The following ZBTB7C variants were observed in gnomAD, a reference collection of about 807,000 sequenced individuals.
ZBTB7C encodes zinc finger and BTB domain containing 7C.
Under a neutral mutation model 25.7 loss-of-function variants are expected in ZBTB7C, and 8 were observed. That is an observed-to-expected ratio of 0.31 (90% CI 0.18 to 0.56). The LOEUF (loss-of-function observed/expected upper bound fraction) is 0.56. ZBTB7C is among the 20% of genes least tolerant of loss of function. The pLI is 0.91. For missense variants in ZBTB7C, 824 were observed against 855.2 expected (o/e 0.96, Z 0.46); for synonymous variants, 394 against 369.0 (o/e 1.07, Z -0.78).
At position 48,347,523 on chromosome 18, in the gene ZBTB7C, C is replaced by T. The variant is rs187141649; in HGVS notation, c.-303-9125G>A. Among the ~76,000 whole-genome samples the T allele has an allele frequency of 6.6e-5, 10 of 152,116 alleles. 1 individual carries two copies. Among genetic ancestry groups the T allele is most frequent in the Admixed American group, 2.0e-4 (3 of 15,300 alleles). ...AGCAACACGTGTGCACCCACTCCCT[C>T]CTCTCCCCGTCAAGCAGCATGAATC... On this transcript the variant is annotated intron_variant, in intron 1 of 4. Transcript: ENST00000590800.
rs144374638 is a variant in ZBTB7C, at chr18:48,040,673, G to A, written c.435C>T (p.Asp145=). The A allele has an allele frequency of 2.7e-5, 43 of 1,612,944 alleles. No homozygotes were observed. In the African/African-American group the frequency reaches 3.4e-4, roughly 13 times the overall value. Reference sequence around the variant, plus strand: ...CGTCCTCCTCATCATCATCATCTTCGTCGTCGTCATCGTCCTCCTTGTCAT... The same window carrying A: ...CGTCCTCCTCATCATCATCATCTTCATCGTCGTCATCGTCCTCCTTGTCAT... ...EEDDKEDDDD[D]EDDDDEEDEE... is the part of the protein sequence containing the mutation. Residue 145 remains aspartate, a synonymous_variant, in exon 4 of 5, where the codon GAC becomes GAT. Coordinates refer to ENST00000590800, the MANE Select transcript of ZBTB7C (RefSeq NM_001318841.2).
intron 3 of ZBTB7C, among the ~76,000 whole-genome samples, chr18:48,168,340 G>C (rs778813997): frequency 6.6e-6 from 1 of 152,220 alleles, no homozygotes; most frequent in Non-Finnish European, 1.5e-5. Flanking sequence ...ATATGTGGTT[G>C]ATGTGCAGGT....
chr18:48,162,293 G>GGAGGCAGGGACTCCACCTCA, intron 3 of ZBTB7C: 1 of 448,610 alleles, frequency 2.2e-6, no homozygotes, highest in Non-Finnish European at 4.5e-6. Flanking sequence ...CAGCAACAGT[G>GGAGGCAGGGACTCCACCTCA]GAGGCAGGGA....
chr18:48,281,438 A>C (rs2044846013), intron 2 of ZBTB7C, among the ~76,000 whole-genome samples: 1 of 152,206 alleles, frequency 6.6e-6, no homozygotes. Flanking sequence ...AGCAATGGCA[A>C]CAAAAGCCAA....
chr18:48,213,669 G>T (rs935671029), intron 2 of ZBTB7C, among the ~76,000 whole-genome samples: 2 of 152,224 alleles, frequency 1.3e-5, no homozygotes, highest in African/African-American at 4.8e-5. Context: ...GGCACAGACA[G>T]CATGTGCTTT....
intron 3 of ZBTB7C, among the ~76,000 whole-genome samples, chr18:48,073,891 C>G (rs1349883932): frequency 6.6e-6 from 1 of 152,234 alleles, no homozygotes; most frequent in Non-Finnish European, 1.5e-5. Flanking sequence ...GATTTGTCTC[C>G]TGTAGACCCC....
intron 3 of ZBTB7C, among the ~76,000 whole-genome samples, chr18:48,131,654 T>TAAG (rs1301018516): frequency 8.2e-4 from 125 of 152,302 alleles, no homozygotes; most frequent in African/African-American, 2.9e-3. Context: ...TACTCAGCCA[T>TAAG]ACAAAGTGAC....
Position 48,040,054 on chromosome 18 carries a change from G to C in ZBTB7C, c.1054C>G (p.Leu352Val), listed in dbSNP as rs978383417. 5.0e-6 allele frequency: 8 copies of C among 1,613,872 alleles called. No individual in the cohort carries two copies. The African/African-American group carries it at 6.7e-5, about 13-fold the overall frequency. Residue 352 changes from leucine (L) to valine (V), a missense_variant, in exon 4 of 5, where the codon CTG becomes GTG. This residue lies in a region of ZBTB7C where 316 missense variants were observed against 299.2 expected (regional missense o/e 1.06). Transcript: ENST00000590800. ...HLGGLFPPWP[L>V]VEERKLKPKA... ...GGCTTCAGCTTGCGCTCTTCTACCA[G>C]GGGCCAGGGTGGGAAGAGGCCTCCC...
intron 3 of ZBTB7C, among the ~76,000 whole-genome samples, chr18:48,090,954 T>C (rs1225372050): frequency 6.6e-6 from 1 of 152,070 alleles, no homozygotes; most frequent in Non-Finnish European, 1.5e-5. Flanking sequence ...AGAAATACAC[T>C]GTGAGCCACC....
intron 3 of ZBTB7C, among the ~76,000 whole-genome samples, chr18:48,183,331 C>A (rs1052110710): frequency 1.3e-5 from 2 of 152,182 alleles, no homozygotes; most frequent in African/African-American, 4.8e-5. Context: ...TAACACAAAA[C>A]TCTGGCAATA....
At chr18:48,367,367 TATATAA>T (rs1236162401) in intron 1 of ZBTB7C, among the ~76,000 whole-genome samples, 9 of 110,924 alleles carry the variant, frequency 8.1e-5, no homozygotes, top group Middle Eastern at 9.2e-3. Context: ...TATATATATA[TATATAA>T]AATACAAACA....
chr18:48,348,292 G>A (rs1250490001), intron 1 of ZBTB7C, among the ~76,000 whole-genome samples: 1 of 152,226 alleles, frequency 6.6e-6, no homozygotes, highest in Non-Finnish European at 1.5e-5. Context: ...TCCTAGGTCC[G>A]AGTCTAGCTC....
At chr18:48,358,076 T>A (rs141231245) in intron 1 of ZBTB7C, among the ~76,000 whole-genome samples, 1 of 152,302 alleles carries the variant, frequency 6.6e-6, no homozygotes, top group Non-Finnish European at 1.5e-5. Context: ...AGGGACCGGA[T>A]GCAGTAGCTC....
At chr18:48,251,124 T>C (rs909904485) in intron 2 of ZBTB7C, among the ~76,000 whole-genome samples, 4 of 152,032 alleles carry the variant, frequency 2.6e-5, no homozygotes, top group African/African-American at 7.3e-5. Context: ...CTCAGGAGAA[T>C]GGGGCAGGAC....
intron 1 of ZBTB7C, 56 bp from the exon 2 acceptor site, chr18:48,338,454 G>T (rs1311673223): frequency 1.3e-5 from 2 of 152,240 alleles, no homozygotes; most frequent in South Asian, 2.1e-4. Flanking sequence ...ACATGTCCAG[G>T]TTTTAGCTGT....
At chr18:48,284,609 C>T (rs1396048447) in intron 2 of ZBTB7C, among the ~76,000 whole-genome samples, 1 of 152,096 alleles carries the variant, frequency 6.6e-6, no homozygotes, top group Middle Eastern at 3.2e-3. Flanking sequence ...AGCTGGCCAA[C>T]ATAGCGGAAC....
chr18:48,265,322 G>A (rs58133139), intron 2 of ZBTB7C, among the ~76,000 whole-genome samples: 26,608 of 152,182 alleles, frequency 0.17, 2,527 homozygotes, highest in Admixed American at 0.24. Flanking sequence ...AATAGTTTCT[G>A]ATTAAAATCT....
chr18:48,323,891 T>A (rs1291027403), intron 2 of ZBTB7C, among the ~76,000 whole-genome samples: 1 of 152,182 alleles, frequency 6.6e-6, no homozygotes, highest in Admixed American at 6.5e-5. Flanking sequence ...AAAACTCATA[T>A]GCTGAAACCC....
At chr18:48,210,907 G>GA (rs1481729828) in intron 2 of ZBTB7C, among the ~76,000 whole-genome samples, 1 of 152,052 alleles carries the variant, frequency 6.6e-6, no homozygotes, top group East Asian at 1.9e-4. Context: ...TATTGAAGAA[G>GA]AAAACAAAGT....
Sources: allele counts gnomAD v4.1 joint callset (sites outside exome capture counted in the v4.1 genomes callset), GRCh38; gene constraint gnomAD v4.1.1; regional missense constraint gnomAD v4.1.1; transcripts MANE v1.5; gene names NCBI Gene and HGNC (gene_info 2026-07-23, HGNC 2026-07-21).